Variants in CHIC2 observed in about 807,000 individuals in gnomAD.
CHIC2 encodes cysteine-rich hydrophobic domain-containing protein 2.
In CHIC2, 14 loss-of-function variants were observed where a neutral mutation model predicts 25.9. The observed-to-expected ratio is 0.54, with a 90% CI of 0.36 to 0.85. The LOEUF (loss-of-function observed/expected upper bound fraction) is 0.85. CHIC2 is among the 40% of genes least tolerant of loss of function. CHIC2 has a pLI of 0.01. For synonymous variants in CHIC2, 70 were observed against 72.0 expected (o/e 0.97, Z 0.14); for missense variants, 146 against 202.0 (o/e 0.72, Z 1.68).
the CHIC2 span, among the ~76,000 whole-genome samples, chr4:54,083,925 A>C: frequency 6.6e-6 from 1 of 152,150 alleles, no homozygotes; most frequent in Non-Finnish European, 1.5e-5. Context: ...TGTCTCCTGC[A>C]TGCAGCTTAA....
At chr4:54,014,392 G>A (rs1213918770) in intron 3 of CHIC2, among the ~76,000 whole-genome samples, 1 of 152,024 alleles carries the variant, frequency 6.6e-6, no homozygotes, top group African/African-American at 2.4e-5. Flanking sequence ...AATGTCATCT[G>A]CCAAATAAAA....
the CHIC2 span, among the ~76,000 whole-genome samples, chr4:54,080,125 T>C: frequency 1.3e-5 from 2 of 149,366 alleles, no homozygotes; most frequent in Non-Finnish European, 1.5e-5. Flanking sequence ...TATATATATA[T>C]ACATATATAT....
At chr4:54,020,748 C>A (rs1715871923) in intron 3 of CHIC2, among the ~76,000 whole-genome samples, 1 of 152,192 alleles carries the variant, frequency 6.6e-6, no homozygotes. Flanking sequence ...CTAGTAGAGA[C>A]AAAGGAGACA....
chr4:54,046,468 A>G (rs1480199670), intron 3 of CHIC2, among the ~76,000 whole-genome samples: 1 of 152,208 alleles, frequency 6.6e-6, no homozygotes, highest in Non-Finnish European at 1.5e-5. Context: ...CCAATGGAAC[A>G]GAACAGAGCC....
chr4:54,045,713 G>A lies in CHIC2; in HGVS notation c.330+3242C>T, dbSNP rs1307327627. Among the ~76,000 whole-genome samples the A allele has an allele frequency of 9.3e-4, 142 of 152,030 alleles. 1 individual carries two copies. The highest frequency in any genetic ancestry group is 5.4e-3 in the Admixed American group (83 of 15,272). On this transcript the variant is annotated intron_variant, in intron 3 of 5. Transcript: ENST00000263921. Reference sequence around the variant, plus strand: ...ATATCATACTGAATGGGCAAAAACTGGAAGCATTCCCTTTGAAAACTGGCA... The same window carrying A: ...ATATCATACTGAATGGGCAAAAACTAGAAGCATTCCCTTTGAAAACTGGCA...
chr4:54,052,227 T>C (rs1438340964), intron 1 of CHIC2, among the ~76,000 whole-genome samples: 1 of 152,196 alleles, frequency 6.6e-6, no homozygotes, highest in African/African-American at 2.4e-5. Flanking sequence ...GTCACACTTC[T>C]TGTTTGATAA....
At chr4:54,074,479 T>C in the CHIC2 span, among the ~76,000 whole-genome samples, 1 of 152,072 alleles carries the variant, frequency 6.6e-6, no homozygotes, top group Admixed American at 6.6e-5. Context: ...ATTTAATAGT[T>C]ATAATCATGT....
intron 1 of CHIC2, among the ~76,000 whole-genome samples, chr4:54,061,921 C>T (rs1253379224): frequency 1.3e-5 from 2 of 152,070 alleles, no homozygotes; most frequent in African/African-American, 4.8e-5. Flanking sequence ...AATGGCAGTT[C>T]TAATTTTTTA....
chr4:54,043,455 T>C (rs1484148202), intron 3 of CHIC2, among the ~76,000 whole-genome samples: 1 of 150,680 alleles, frequency 6.6e-6, no homozygotes, highest in Non-Finnish European at 1.5e-5. Flanking sequence ...ACTTGATCAC[T>C]TGGCAGAAAC....
chr4:54,038,394 ACTTATG>A (rs767496946), intron 3 of CHIC2, among the ~76,000 whole-genome samples: 5 of 152,214 alleles, frequency 3.3e-5, no homozygotes, highest in Non-Finnish European at 5.9e-5. Context: ...CCAAAGAAAT[ACTTATG>A]TATAAAGCTA....
At position 54,064,135 on chromosome 4, in the gene CHIC2, C is replaced by T; in HGVS notation, c.119+47G>A. On this transcript the variant is annotated intron_variant, in intron 1 of 5. Coordinates refer to ENST00000263921, the MANE Select transcript of CHIC2 (RefSeq NM_012110.4). This position sits in a 1 kb window ranked among gnomAD's most constrained non-coding sequence, Gnocchi z 4.2. ...ACGGGGCTCCCGTGGAGTAACGGGG[C>T]CCACCCCAGCCCGCACCTCCCGCCC... The T allele has an allele frequency of 6.6e-7, 1 of 1,523,430 alleles. No homozygotes were observed. The highest frequency in any genetic ancestry group is 9.0e-7 in the Non-Finnish European group (1 of 1,115,544). The allele number at this position is 1,523,430 out of a possible 1,614,324, so 94.4% of individuals were successfully genotyped here. A position where few individuals can be genotyped will look rare whatever the true frequency, so the allele number is the denominator to read the frequency against.
chr4:54,018,395 A>G (rs1248852192), intron 3 of CHIC2, among the ~76,000 whole-genome samples: 3 of 152,112 alleles, frequency 2.0e-5, no homozygotes, highest in African/African-American at 7.2e-5. Flanking sequence ...TATTCCCTAT[A>G]AACAAATTAA....
At chr4:54,074,309 A>G in the CHIC2 span, among the ~76,000 whole-genome samples, 6 of 152,276 alleles carry the variant, frequency 3.9e-5, no homozygotes, top group African/African-American at 1.4e-4. Flanking sequence ...TTTCACTTTT[A>G]AGATCTGAGA....
chr4:54,051,759 T>C (rs554081728), intron 1 of CHIC2, among the ~76,000 whole-genome samples: 34 of 152,290 alleles, frequency 2.2e-4, no homozygotes, highest in African/African-American at 7.7e-4. Context: ...TCCTTAAACA[T>C]AGCCTACAAA....
At chr4:54,081,809 G>A in the CHIC2 span, among the ~76,000 whole-genome samples, 1 of 152,114 alleles carries the variant, frequency 6.6e-6, no homozygotes, top group Admixed American at 6.6e-5. Context: ...TGAGCCTCCT[G>A]CCTTGCCCTC....
chr4:54,074,619 C>T, the CHIC2 span, among the ~76,000 whole-genome samples: 546 of 152,004 alleles, frequency 3.6e-3, no homozygotes, highest in Non-Finnish European at 5.9e-3. Context: ...CACACACACA[C>T]ACACACACAC....
intron 1 of CHIC2, among the ~76,000 whole-genome samples, chr4:54,054,619 A>G (rs1717118823): frequency 6.6e-6 from 1 of 152,228 alleles, no homozygotes; most frequent in African/African-American, 2.4e-5. Context: ...GTTACTCCGC[A>G]TGCCTAACTA....
rs57537230 is a variant in CHIC2 at position 54,035,095 on chromosome 4, G to A, written c.330+13860C>T. ...CCTTCCTGGGAAGGACAATGTACTT[G>A]GCCATGTGTGTCTTTCTTTTCATGT... On this transcript the variant is annotated intron_variant, in intron 3 of 5. Coordinates refer to ENST00000263921, the MANE Select transcript of CHIC2 (RefSeq NM_012110.4). Among the ~76,000 whole-genome samples the A allele has an allele frequency of 5.3e-3, 806 of 152,242 alleles. 8 individuals are homozygous for A. The highest frequency in any genetic ancestry group is 0.019 in the African/African-American group (777 of 41,536).
At chr4:54,022,926 T>G (rs931746226) in intron 3 of CHIC2, among the ~76,000 whole-genome samples, 1 of 152,202 alleles carries the variant, frequency 6.6e-6, no homozygotes, top group Non-Finnish European at 1.5e-5. Context: ...ACAAGTCTTA[T>G]AGGTTAGTTC....
Sources: gnomAD v4.1 joint callset for allele counts (sites outside exome capture counted in the v4.1 genomes callset) on GRCh38, gnomAD v4.1.1 for gene constraint, Gnocchi (gnomAD v3.1) non-coding constraint, MANE v1.5 for transcripts, NCBI Gene and HGNC (gene_info 2026-07-23, HGNC 2026-07-21) for gene names.